CCDC85C: variants seen among roughly 807,000 people sequenced by gnomAD.
The protein encoded by CCDC85C is coiled-coil domain containing 85C.
Under a neutral mutation model 38.3 loss-of-function variants are expected in CCDC85C, and 18 were observed. That is an observed-to-expected ratio of 0.47 (90% CI 0.33 to 0.70). The LOEUF is 0.70. CCDC85C is among the 30% of genes least tolerant of loss of function. CCDC85C has a pLI of 0.03. For synonymous variants in CCDC85C, 264 were observed against 293.8 expected (o/e 0.90, Z 1.04); for missense variants, 566 against 621.2 (o/e 0.91, Z 0.94).
rs189345231 is a variant in CCDC85C at position 99,502,683 on chromosome 14, A to T, written c.*12563T>A. 2 of 1,592,250 alleles carry T rather than the reference A, an allele frequency of 1.3e-6. No individual in the cohort carries two copies. The highest frequency in any genetic ancestry group is 1.7e-5 in the Admixed American group (1 of 59,750). On this transcript the variant is annotated 3_prime_UTR_variant, in exon 6 of 6. Transcript: ENST00000380243. ...CAGGTAAAATTTTATTTAAAATACC[A>T]ATTTGTGTAAAATGTAATTGTTGGC...
At chr14:99,571,945 C>T (rs958214411) in intron 1 of CCDC85C, among the ~76,000 whole-genome samples, 5 of 152,290 alleles carry the variant, frequency 3.3e-5, no homozygotes, top group South Asian at 2.1e-4. Flanking sequence ...TTGAGCTAGG[C>T]CCTGAAGCCT....
chr14:99,598,102 C>A (rs1336649496), intron 1 of CCDC85C, among the ~76,000 whole-genome samples: 1 of 152,160 alleles, frequency 6.6e-6, no homozygotes, highest in Non-Finnish European at 1.5e-5. Context: ...GGGTGCCGAG[C>A]GCTGCAGCGG....
rs568162181 is a variant in CCDC85C at position 99,520,695 on chromosome 14, C to G, written c.975+1438G>C. Among the ~76,000 whole-genome samples the G allele has an allele frequency of 6.6e-6, 1 of 152,208 alleles. No homozygotes were observed. Among genetic ancestry groups the G allele is most frequent in the African/African-American group, 2.4e-5 (1 of 41,444 alleles). ...AGGAGCGACCCCTGCACAGCCCCCA[C>G]GCTGGCCCCTGACCTCTAGGCACAC... On this transcript the variant is annotated intron_variant, in intron 3 of 5. Transcript: ENST00000380243. This position sits in a 1 kb window ranked among gnomAD's most constrained non-coding sequence, Gnocchi z 4.1.
At chr14:99,529,835 C>G (rs1212347570) in intron 2 of CCDC85C, among the ~76,000 whole-genome samples, 1 of 152,236 alleles carries the variant, frequency 6.6e-6, no homozygotes, top group Non-Finnish European at 1.5e-5. Flanking sequence ...CTATGGCTGG[C>G]CCACAATGGA....
chr14:99,534,758 C>A, intron 2 of CCDC85C: 1 of 702,034 alleles, frequency 1.4e-6, no homozygotes, highest in Non-Finnish European at 2.6e-6. Flanking sequence ...ACAGGTGAGA[C>A]CCCAGCCCCT....
rs1287730240 is a variant in CCDC85C, at chr14:99,500,998, C to T, written c.*14248G>A. 3.0e-6 allele frequency: 2 copies of T among 667,030 alleles called. No individual in the cohort carries two copies. Among genetic ancestry groups the T allele is most frequent in the Non-Finnish European group, 2.6e-6 (1 of 378,840 alleles). The allele number at this position is 667,030 out of a possible 1,614,324, so 41.3% of individuals were successfully genotyped here. On this transcript the variant is annotated 3_prime_UTR_variant, in exon 6 of 6. Coordinates refer to ENST00000380243, the MANE Select transcript of CCDC85C (RefSeq NM_001144995.2). ...GATGTGTGAAATACCAAGGGCATGG[C>T]TTGCTCAGTCAATTCAGCATTGCAG...
At chr14:99,553,254 A>G (rs1347666676) in intron 1 of CCDC85C, among the ~76,000 whole-genome samples, 2 of 152,170 alleles carry the variant, frequency 1.3e-5, no homozygotes, top group Admixed American at 6.5e-5. Context: ...AGCTCAGGAC[A>G]TGGGGAGAGG....
intron 2 of CCDC85C, among the ~76,000 whole-genome samples, chr14:99,532,189 G>C (rs1595345887): frequency 1.3e-5 from 2 of 152,372 alleles, no homozygotes; most frequent in Non-Finnish European, 2.9e-5. Flanking sequence ...AAGGTGGGCA[G>C]CCCAGGGACT....
Position 99,503,520 on chromosome 14 carries a change from G to T in CCDC85C, c.*11726C>A. The T allele has an allele frequency of 8.9e-7, 1 of 1,129,740 alleles. No homozygotes were observed. 70.0% of individuals were successfully genotyped at this position (1,129,740 alleles called of 1,614,324 possible). A position where few individuals can be genotyped will look rare whatever the true frequency, so the allele number is the denominator to read the frequency against. On this transcript the variant is annotated 3_prime_UTR_variant, in exon 6 of 6. Transcript: ENST00000380243. The stretch of plus-strand genomic sequence containing the variant: ...TCCGAGGCTGTTCACAGTGACTGCC[G>T]TCGCTGATTCTGGTGGTACCTGGAT...
chr14:99,515,723 A>G (rs1157082360), intron 5 of CCDC85C, among the ~76,000 whole-genome samples: 2 of 152,216 alleles, frequency 1.3e-5, no homozygotes, highest in East Asian at 3.9e-4. Flanking sequence ...GATGGTGCTC[A>G]GCTGGGTCGA....
At position 99,548,084 on chromosome 14, in the gene CCDC85C, G is replaced by A. The variant is rs76008764; in HGVS notation, c.794-11996C>T. On this transcript the variant is annotated intron_variant, in intron 1 of 5. Transcript: ENST00000380243. This position sits in a 1 kb window ranked among gnomAD's most constrained non-coding sequence, Gnocchi z 4.9. The stretch of plus-strand genomic sequence containing the variant: ...CATGAAGGGAACGACCGTGAAACCC[G>A]ACTATATGAGGATTACGAACGCTGC... 3.8e-3 allele frequency among the ~76,000 whole-genome samples: 580 copies of A among 152,198 alleles called. 10 individuals carry two copies. In the East Asian group the frequency reaches 0.049, roughly 13 times the overall value.
intron 1 of CCDC85C, among the ~76,000 whole-genome samples, chr14:99,598,124 T>C (rs561790698): frequency 6.6e-6 from 1 of 152,274 alleles, no homozygotes; most frequent in Non-Finnish European, 1.5e-5. Context: ...AGATGGGGCC[T>C]TCGCACATCA....
Position 99,603,305 on chromosome 14 carries a change from G to C in CCDC85C, c.655C>G (p.His219Asp). 2 of 1,362,010 alleles carry C rather than the reference G, an allele frequency of 1.5e-6. No homozygotes were observed. The highest frequency in any genetic ancestry group is 1.9e-6 in the Non-Finnish European group (2 of 1,061,866). The allele number at this position is 1,362,010 out of a possible 1,614,324, so 84.4% of individuals were successfully genotyped here. ...SSAGSGGSPD[H>D]HHHVPPPLLP... is the part of the protein sequence containing the mutation. ...AGCGGGGGTGGGACGTGGTGGTGGT[G>C]GTCGGGGCTGCCGCCGCTGCCCGCG... The change falls in exon 1 of 6, where the codon CAC (histidine) becomes GAC (aspartate). Residue 219 changes from histidine to aspartate, a missense_variant. By Grantham distance (81) the His-to-Asp change is moderately conservative. Coordinates refer to ENST00000380243, the MANE Select transcript of CCDC85C (RefSeq NM_001144995.2). This position sits in a 1 kb window ranked among gnomAD's most constrained non-coding sequence, Gnocchi z 7.5.
rs1896849126 is a variant in CCDC85C at position 99,502,206 on chromosome 14, GTC to G, written c.*13038_*13039del. On this transcript the variant is annotated 3_prime_UTR_variant, in exon 6 of 6. Transcript: ENST00000380243. The stretch of plus-strand genomic sequence containing the variant: ...AACCTTTTTTTTTCTTGTTGAACTA[GTC>G]TCTGCACCACCTTGTCACTGCAGTG... 6.3e-7 allele frequency: 1 copy of G among 1,579,852 alleles called. No individual in the cohort carries two copies. Among genetic ancestry groups the G allele is most frequent in the Non-Finnish European group, 8.6e-7 (1 of 1,162,442 alleles).
chr14:99,577,665 T>C (rs999879325), intron 1 of CCDC85C, among the ~76,000 whole-genome samples: 4 of 151,544 alleles, frequency 2.6e-5, no homozygotes, highest in Non-Finnish European at 5.9e-5. Flanking sequence ...CAGCCCGTCC[T>C]GCATCCCCCA....
intron 1 of CCDC85C, among the ~76,000 whole-genome samples, chr14:99,581,066 C>T (rs1314724534): frequency 6.6e-6 from 1 of 152,108 alleles, no homozygotes; most frequent in African/African-American, 2.4e-5. Context: ...TGGAGGAGAC[C>T]ATCCTGGAGG....
In CCDC85C at chr14:99,603,364, G is replaced by A. The variant is rs1315426620; in HGVS notation, c.596C>T (p.Ala199Val). ...PLSGGAPGAG[A>V]RDVGDGSSTS... Reference sequence around the variant, plus strand: ...ACTGCTGCCGTCGCCCACGTCGCGGGCCCCCGCGCCGGGCGCGCCACCCGA... The same window carrying A: ...ACTGCTGCCGTCGCCCACGTCGCGGACCCCCGCGCCGGGCGCGCCACCCGA... The change falls in exon 1 of 6, where the codon GCC (alanine) becomes GTC (valine). Residue 199 changes from alanine (A) to valine (V), a missense_variant. This residue lies in a region of CCDC85C where 269 missense variants were observed against 308.2 expected (regional missense o/e 0.87). Coordinates refer to ENST00000380243, the MANE Select transcript of CCDC85C (RefSeq NM_001144995.2). This position sits in a 1 kb window ranked among gnomAD's most constrained non-coding sequence, Gnocchi z 7.5. The A allele has an allele frequency of 7.9e-7, 1 of 1,260,954 alleles. No homozygotes were observed. The highest frequency in any genetic ancestry group is 2.9e-5 in the South Asian group (1 of 34,596). 78.1% of individuals were successfully genotyped at this position (1,260,954 alleles called of 1,614,324 possible).
intron 1 of CCDC85C, among the ~76,000 whole-genome samples, chr14:99,557,877 T>C (rs1898042415): frequency 6.6e-6 from 1 of 152,078 alleles, no homozygotes; most frequent in Admixed American, 6.6e-5. Flanking sequence ...GTCGCGCCAC[T>C]GCACTCCAAC....
chr14:99,525,789 G>C lies in CCDC85C; in HGVS notation c.868-3549C>G, dbSNP rs556174899. Reference sequence around the variant, plus strand: ...TCGAAGCCCCAGGCTGATTCATACAGAATGCCCTGGGAAGGAGTCCTCGTG... The same window carrying C: ...TCGAAGCCCCAGGCTGATTCATACACAATGCCCTGGGAAGGAGTCCTCGTG... On this transcript the variant is annotated intron_variant, in intron 2 of 5. Coordinates refer to ENST00000380243, the MANE Select transcript of CCDC85C (RefSeq NM_001144995.2). Among the ~76,000 whole-genome samples, 12 of 152,342 alleles carry C rather than the reference G, an allele frequency of 7.9e-5. No individual in the cohort carries two copies. The South Asian group carries it at 1.7e-3, about 21-fold the overall frequency.
Sources: allele counts gnomAD v4.1 joint callset (sites outside exome capture counted in the v4.1 genomes callset), GRCh38; gene constraint gnomAD v4.1.1; regional missense constraint gnomAD v4.1.1; non-coding constraint Gnocchi (gnomAD v3.1); transcripts MANE v1.5; gene names NCBI Gene and HGNC (gene_info 2026-07-23, HGNC 2026-07-21).